The following MRPS18A variants were observed in gnomAD, a reference collection of about 807,000 sequenced individuals.
MRPS18A encodes the protein mitochondrial ribosomal protein S18A.
In MRPS18A, 20 loss-of-function variants were observed where a neutral mutation model predicts 22.7. That is an observed-to-expected ratio of 0.88 (90% confidence interval 0.62 to 1.28). MRPS18A has a LOEUF of 1.28. MRPS18A is among the 50% of genes most tolerant of loss of function. MRPS18A has a pLI of 0.00. For synonymous variants in MRPS18A, 106 were observed against 99.1 expected, an observed-to-expected ratio of 1.07 and a Z score of -0.41; for missense variants, 294 against 262.6, an observed-to-expected ratio of 1.12 and a Z score of -0.83.
chr6:43,676,845 G>A (rs1193867097), intron 3 of MRPS18A, among the ~76,000 whole-genome samples: 2 of 152,196 alleles, frequency 1.3e-5, no homozygotes, highest in South Asian at 4.1e-4. Flanking sequence ...GAGGGACCCA[G>A]GCCTTCAATT....
Position 43,687,678 on chromosome 6 carries a change from C to T in MRPS18A, c.102G>A (p.Gly34=). 1.3e-6 allele frequency: 2 copies of T among 1,572,960 alleles called. No individual in the cohort carries two copies. Among genetic ancestry groups the T allele is most frequent in the South Asian group, 2.3e-5 (2 of 85,740 alleles). ...ATSWSRLPAR[G]FREVVETQEG... ...GGACGCATGACTCACCTTCCCTGAACCCGCGAGCTGGAAGCCGAGACCAGC... is the reference window on the plus strand; with the variant it reads ...GGACGCATGACTCACCTTCCCTGAATCCGCGAGCTGGAAGCCGAGACCAGC... Residue 34 remains glycine (G), a synonymous_variant, in exon 1 of 6, where the codon GGG becomes GGA. Transcript: ENST00000372133.
At chr6:43,686,462 G>A (rs1356667128) in intron 1 of MRPS18A, among the ~76,000 whole-genome samples, 1 of 152,040 alleles carries the variant, frequency 6.6e-6, no homozygotes, top group Non-Finnish European at 1.5e-5. Context: ...CTTCCCTTAC[G>A]GGCTAAATTC....
At position 43,673,736 on chromosome 6, in the gene MRPS18A, C is replaced by T. The variant is rs73428700; in HGVS notation, c.446+1466G>A. Among the ~76,000 whole-genome samples, 5,742 of 152,294 alleles carry T rather than the reference C, an allele frequency of 0.038. 362 individuals are homozygous for T. Among genetic ancestry groups the T allele is most frequent in the African/African-American group, 0.13 (5,386 of 41,530 alleles). On this transcript the variant is annotated intron_variant, in intron 5 of 5. Transcript: ENST00000372133. This position sits in a 1 kb window ranked among gnomAD's most constrained non-coding sequence, Gnocchi z 4.2. Reference sequence around the variant, plus strand: ...AAAGCATGGCTCCGCCAGGCCCCAGCGGAGCCTGGGCCCATGCATGGCAGC... The same window carrying T: ...AAAGCATGGCTCCGCCAGGCCCCAGTGGAGCCTGGGCCCATGCATGGCAGC...
Position 43,671,651 on chromosome 6 carries a change from A to C in MRPS18A, c.*111T>G. On this transcript the variant is annotated 3_prime_UTR_variant, in exon 6 of 6. Transcript: ENST00000372133. Reference sequence around the variant, plus strand: ...CCTGTCCATGCATGTTGGAGGGACCAGGCCATCGTGGTGGGGTGGGACAGG... The same window carrying C: ...CCTGTCCATGCATGTTGGAGGGACCCGGCCATCGTGGTGGGGTGGGACAGG... 7.7e-7 allele frequency: 1 copy of C among 1,301,452 alleles called. No homozygotes were observed. Among genetic ancestry groups the C allele is most frequent in the South Asian group, 1.3e-5 (1 of 79,400 alleles). The allele number at this position is 1,301,452 out of a possible 1,614,324, so 80.6% of individuals were successfully genotyped here. A position where few individuals can be genotyped will look rare whatever the true frequency, so the allele number is the denominator to read the frequency against.
intron 1 of MRPS18A, among the ~76,000 whole-genome samples, chr6:43,687,339 C>A (rs1303327712): frequency 6.6e-6 from 1 of 152,132 alleles, no homozygotes; most frequent in Non-Finnish European, 1.5e-5. Flanking sequence ...AAAGAGACTG[C>A]GATTCGGAGA....
intron 5 of MRPS18A, chr6:43,672,255 G>A: frequency 6.9e-6 from 3 of 434,814 alleles, no homozygotes; most frequent in South Asian, 5.6e-5. Flanking sequence ...TCAGCCATGG[G>A]GCGAGAAGAG....
At position 43,678,580 on chromosome 6, in the gene MRPS18A, G is replaced by A. The variant is rs1774201109; in HGVS notation, c.190C>T (p.Pro64Ser). ...ATGGGGCACTGGCCAGAGGGGTTAG[G>A]AGGATTTGGACTCTCCTTGGGAGTC... ...TATPKESPNP[P>S]NPSGQCPICR... Residue 64 changes from proline (P) to serine (S), a missense_variant, in exon 3 of 6, where the codon CCT becomes TCT. By Grantham distance (74) the Pro-to-Ser change is moderately conservative. Transcript: ENST00000372133. The A allele has an allele frequency of 6.2e-7, 1 of 1,614,002 alleles. No individual in the cohort carries two copies. Among genetic ancestry groups the A allele is most frequent in the Non-Finnish European group, 8.5e-7 (1 of 1,179,890 alleles).
At chr6:43,677,690 T>C (rs1232264275) in intron 3 of MRPS18A, among the ~76,000 whole-genome samples, 1 of 152,096 alleles carries the variant, frequency 6.6e-6, no homozygotes, top group African/African-American at 2.4e-5. Context: ...GGCTGGGGGA[T>C]CTGAGGCAAG....
chr6:43,681,168 CAG>C lies in MRPS18A; in HGVS notation c.113-50_113-49del, dbSNP rs568696252. On this transcript the variant is annotated intron_variant, in intron 1 of 5. Transcript: ENST00000372133. ...ATTAGGTCAGCCATTTAATAAGGAA[CAG>C]AGAGTTTCAAATAACAGCTCAAATT... The C allele has an allele frequency of 3.2e-6, 5 of 1,580,164 alleles. No homozygotes were observed. The South Asian group carries it at 3.3e-5, about 11-fold the overall frequency.
At chr6:43,675,452 G>A in intron 4 of MRPS18A, 42 bp downstream of exon 4, 2 of 1,613,888 alleles carry the variant, frequency 1.2e-6, no homozygotes, top group East Asian at 2.2e-5. Flanking sequence ...GGGAGAGAGT[G>A]CCTGCAGCCC....
intron 1 of MRPS18A, among the ~76,000 whole-genome samples, chr6:43,684,870 AT>A (rs746320037): frequency 6.6e-6 from 1 of 152,064 alleles, no homozygotes; most frequent in Non-Finnish European, 1.5e-5. Context: ...TTGTTTTTTT[AT>A]TTTAAATACA....
intron 3 of MRPS18A, chr6:43,678,308 G>C: frequency 2.2e-6 from 1 of 463,344 alleles, no homozygotes; most frequent in South Asian, 2.1e-5. Context: ...GGGAGGACCT[G>C]GTGGAGCCCA....
intron 1 of MRPS18A, among the ~76,000 whole-genome samples, chr6:43,682,714 T>C (rs1460411808): frequency 1.3e-5 from 2 of 152,324 alleles, no homozygotes; most frequent in East Asian, 3.9e-4. Flanking sequence ...TGAGACTCAA[T>C]GTGGTCCTCA....
At chr6:43,671,948 C>T in intron 5 of MRPS18A, 42 bp from the exon 6 acceptor site, 3 of 1,537,950 alleles carry the variant, frequency 2.0e-6, no homozygotes, top group Non-Finnish European at 2.6e-6. Flanking sequence ...GGGCTGGGGG[C>T]CCAAGCTGGA....
intron 2 of MRPS18A, among the ~76,000 whole-genome samples, chr6:43,680,885 C>T (rs1774361544): frequency 6.6e-6 from 1 of 152,218 alleles, no homozygotes; most frequent in South Asian, 2.1e-4. Flanking sequence ...ATAGCAGATA[C>T]CTCAGCCCAG....
rs1773866867 is a variant in MRPS18A, at chr6:43,673,442, G to A, written c.447-1536C>T. On this transcript the variant is annotated intron_variant, in intron 5 of 5. Transcript: ENST00000372133. The surrounding 1 kb of genome is among the most constrained non-coding windows in gnomAD (Gnocchi z 4.2). ...AGGGTGCTCATTGAGATTTGGGGATGCAGAGGAAAAGCTGGAAAGGTTCTC... is the reference window on the plus strand; with the variant it reads ...AGGGTGCTCATTGAGATTTGGGGATACAGAGGAAAAGCTGGAAAGGTTCTC... Among the ~76,000 whole-genome samples the A allele has an allele frequency of 6.6e-6, 1 of 152,214 alleles. No individual in the cohort carries two copies. The highest frequency in any genetic ancestry group is 1.5e-5 in the Non-Finnish European group (1 of 68,044).
chr6:43,687,252 G>C lies in MRPS18A; in HGVS notation c.112+416C>G, dbSNP rs567619003. Among the ~76,000 whole-genome samples, 136 of 152,298 alleles carry C rather than the reference G, an allele frequency of 8.9e-4. 1 individual carries two copies. Among genetic ancestry groups the C allele is most frequent in the African/African-American group, 3.2e-3 (132 of 41,574 alleles). On this transcript the variant is annotated intron_variant, in intron 1 of 5. Coordinates refer to ENST00000372133, the MANE Select transcript of MRPS18A (RefSeq NM_018135.4). Reference sequence around the variant, plus strand: ...CGCCGCCATCAGATCACAGCATTTTGAGAAGGGAAAGTGGAAAGGGAGGCT... The same window carrying C: ...CGCCGCCATCAGATCACAGCATTTTCAGAAGGGAAAGTGGAAAGGGAGGCT...
chr6:43,679,599 T>G (rs1160711444), intron 2 of MRPS18A, among the ~76,000 whole-genome samples: 10 of 152,134 alleles, frequency 6.6e-5, no homozygotes, highest in Admixed American at 2.0e-4. Flanking sequence ...GAGGGGAGTT[T>G]AGAAAGCCTG....
chr6:43,687,621 C>T (rs1774789360), intron 1 of MRPS18A, 47 bp downstream of exon 1: 4 of 1,480,566 alleles, frequency 2.7e-6, no homozygotes, highest in Non-Finnish European at 3.7e-6. Flanking sequence ...GAAGCAGTCT[C>T]TGCCGCTCTT....
Sources: allele counts gnomAD v4.1 joint callset (sites outside exome capture counted in the v4.1 genomes callset), GRCh38; gene constraint gnomAD v4.1.1; non-coding constraint Gnocchi (gnomAD v3.1); transcripts MANE v1.5; gene names NCBI Gene and HGNC (gene_info 2026-07-23, HGNC 2026-07-21).